Variants in MFSD11 observed in about 807,000 individuals in gnomAD.
MFSD11 encodes the protein major facilitator superfamily domain containing 11, also known as UNC93-like protein MFSD11.
In MFSD11, 36 loss-of-function variants were observed where a neutral mutation model predicts 53.5. That is an observed-to-expected ratio of 0.67 (90% CI 0.52 to 0.89). MFSD11 has a LOEUF of 0.89. Ranked by LOEUF, MFSD11 falls within the 40% of genes least tolerant of loss-of-function variation. The pLI is 0.00. For missense variants in MFSD11, 530 were observed against 543.9 expected, an observed-to-expected ratio of 0.97 and a Z score of 0.25; for synonymous variants, 186 against 184.9, an observed-to-expected ratio of 1.01 and a Z score of -0.05.
At chr17:76,789,033 T>C in the MFSD11 span, among the ~76,000 whole-genome samples, 1 of 149,632 alleles carries the variant, frequency 6.7e-6, no homozygotes, top group Admixed American at 6.7e-5. Flanking sequence ...TCCCAGCTAC[T>C]GGGGAGGCTG....
the MFSD11 span, among the ~76,000 whole-genome samples, chr17:76,793,533 C>T: frequency 8.2e-4 from 124 of 151,430 alleles, 4 homozygotes; most frequent in African/African-American, 3.0e-3. Flanking sequence ...ACATGCTCTA[C>T]AATTTGTGCA....
At chr17:76,767,185 G>A in intron 8 of MFSD11, 1 of 495,088 alleles carries the variant, frequency 2.0e-6, no homozygotes, top group Non-Finnish European at 3.5e-6. Context: ...TCTGTAGAAT[G>A]TATTTAAGCA....
At chr17:76,740,042 T>C (rs1289603189) in intron 2 of MFSD11, among the ~76,000 whole-genome samples, 1 of 150,048 alleles carries the variant, frequency 6.7e-6, no homozygotes, top group Non-Finnish European at 1.5e-5. Context: ...GGCATGGTGG[T>C]GGGCGCCTGT....
At chr17:76,790,809 A>G in the MFSD11 span, among the ~76,000 whole-genome samples, 3 of 134,670 alleles carry the variant, frequency 2.2e-5, no homozygotes, top group South Asian at 4.6e-4. Context: ...GCGTGGTGGC[A>G]CACACCTTGT....
At chr17:76,759,198 G>T (rs942358323) in intron 8 of MFSD11, among the ~76,000 whole-genome samples, 1 of 152,084 alleles carries the variant, frequency 6.6e-6, no homozygotes, top group African/African-American at 2.4e-5. Context: ...AGGCTGCAGA[G>T]AATTATGATC....
chr17:76,792,424 G>C, the MFSD11 span, among the ~76,000 whole-genome samples: 2 of 149,454 alleles, frequency 1.3e-5, no homozygotes, highest in Non-Finnish European at 2.9e-5. Flanking sequence ...CGGTGTAGGC[G>C]TTCTTTTATT....
At chr17:76,772,514 CT>C (rs1253072933) in intron 10 of MFSD11, among the ~76,000 whole-genome samples, 10,155 of 132,900 alleles carry the variant, frequency 0.076, 1,135 homozygotes, top group African/African-American at 0.25. Context: ...ACCTTAGTAA[CT>C]TTTTTTTTTT....
At chr17:76,775,618 C>T (rs991064319) in intron 11 of MFSD11, among the ~76,000 whole-genome samples, 2 of 152,162 alleles carry the variant, frequency 1.3e-5, no homozygotes, top group Non-Finnish European at 2.9e-5. Flanking sequence ...TAAACGCAGA[C>T]ATTTATGTCC....
intron 12 of MFSD11, among the ~76,000 whole-genome samples, chr17:76,777,267 C>CAAAAAAAA (rs1055404399): frequency 1.7e-5 from 1 of 57,978 alleles, no homozygotes; most frequent in East Asian, 6.0e-4. Context: ...GACTCCGTCT[C>CAAAAAAAA]AAAAAAAAAA....
chr17:76,745,202 T>G (rs1315576322), intron 7 of MFSD11, among the ~76,000 whole-genome samples: 7 of 152,232 alleles, frequency 4.6e-5, no homozygotes, highest in Non-Finnish European at 5.9e-5. Flanking sequence ...GCATTTTATA[T>G]ATTGTTAAAA....
At chr17:76,770,115 G>A (rs2081263098) in intron 10 of MFSD11, among the ~76,000 whole-genome samples, 1 of 147,920 alleles carries the variant, frequency 6.8e-6, no homozygotes, top group South Asian at 2.1e-4. Flanking sequence ...TCAGCTCACT[G>A]CAAGCTCCGC....
At position 76,775,134 on chromosome 17, in the gene MFSD11, G is replaced by A; in HGVS notation, c.1012G>A (p.Val338Ile). Reference protein sequence around the residue: ...NMPGDAPIAPVKGTDSSAYIK... With the variant: ...NMPGDAPIAPIKGTDSSAYIK... ...GCCTGGAGATGCCCCGATTGCTCCT[G>A]TTAAAGGAACTGACAGCAGTGCTTA... Residue 338 changes from valine (V) to isoleucine (I), a missense_variant, in exon 11 of 13, where the codon GTT (valine) becomes ATT (isoleucine). Val to Ile is a conservative substitution (Grantham distance 29, BLOSUM62 3). Coordinates refer to ENST00000685175, the MANE Select transcript of MFSD11 (RefSeq NM_001242532.5). 6.2e-7 allele frequency: 1 copy of A among 1,613,992 alleles called. No individual in the cohort carries two copies. Among genetic ancestry groups the A allele is most frequent in the Non-Finnish European group, 8.5e-7 (1 of 1,179,928 alleles).
intron 8 of MFSD11, chr17:76,754,348 C>T (rs1598597917): frequency 2.4e-6 from 1 of 413,536 alleles, no homozygotes; most frequent in African/African-American, 2.0e-5. Context: ...CAGGTTCTCC[C>T]TGAAGTTGAG....
In MFSD11 at chr17:76,742,192, A is replaced by T; in HGVS notation, c.356A>T (p.Gln119Leu). 6.2e-7 allele frequency: 1 copy of T among 1,614,210 alleles called. No individual in the cohort carries two copies. The highest frequency in any genetic ancestry group is 1.1e-5 in the South Asian group (1 of 91,082). Reference sequence around the variant, plus strand: ...TGAATTTTAGTGCTTTGGACAGCACAAGGAAACTGCCTGACAATCAATTCG... The same window carrying T: ...TGAATTTTAGTGCTTTGGACAGCACTAGGAAACTGCCTGACAATCAATTCG... ...GIAAAVLWTA[Q>L]GNCLTINSDE... The change falls in exon 5 of 13, where the codon CAA (glutamine) becomes CTA (leucine). Residue 119 changes from glutamine to leucine, a missense_variant. Coordinates refer to ENST00000685175, the MANE Select transcript of MFSD11 (RefSeq NM_001242532.5).
chr17:76,769,055 G>C (rs1316911319), intron 9 of MFSD11: 4 of 151,856 alleles, frequency 2.6e-5, no homozygotes, highest in African/African-American at 9.7e-5. Flanking sequence ...GAGCATGTTA[G>C]TCTTCACTGT....
intron 8 of MFSD11, among the ~76,000 whole-genome samples, chr17:76,757,997 G>A (rs911460732): frequency 2.0e-5 from 3 of 151,736 alleles, no homozygotes; most frequent in Non-Finnish European, 4.4e-5. Context: ...GTGACAGAGC[G>A]AGACTGTGTC....
At chr17:76,759,215 C>G (rs2079949516) in intron 8 of MFSD11, among the ~76,000 whole-genome samples, 1 of 152,106 alleles carries the variant, frequency 6.6e-6, no homozygotes, top group African/African-American at 2.4e-5. Flanking sequence ...GATCACACCA[C>G]TGCATTCCAG....
At chr17:76,744,278 AT>A (rs770805683) in intron 6 of MFSD11, 43 bp from the exon 7 acceptor site, 1 of 1,560,798 alleles carries the variant, frequency 6.4e-7, no homozygotes, top group South Asian at 1.2e-5. Context: ...TAATTCTGGA[AT>A]TGTTTGGTCG....
the MFSD11 span, chr17:76,799,027 CAAAAAA>C: frequency 4.0e-5 from 4 of 99,108 alleles, no homozygotes; most frequent in Non-Finnish European, 6.0e-5. Flanking sequence ...AACTCCATCT[CAAAAAA>C]AAAAAAAAAA....
Sources: allele counts gnomAD v4.1 joint callset (sites outside exome capture counted in the v4.1 genomes callset), GRCh38; gene constraint gnomAD v4.1.1; transcripts MANE v1.5; gene names NCBI Gene and HGNC (gene_info 2026-07-23, HGNC 2026-07-21).